Variants in ROBO1 observed in about 807,000 individuals in gnomAD.
ROBO1 encodes roundabout homolog 1.
A neutral mutation model predicts 195.9 loss-of-function variants in ROBO1; 149 were observed. The observed-to-expected ratio is 0.76, with a 90% CI of 0.67 to 0.87. The LOEUF is 0.87. ROBO1 is among the 40% of genes least tolerant of loss of function. The pLI is 0.00. For missense variants in ROBO1, 1,933 were observed against 2,068.3 expected, an observed-to-expected ratio of 0.93 and a Z score of 1.27; for synonymous variants, 816 against 733.2, an observed-to-expected ratio of 1.11 and a Z score of -1.82.
chr3:79,018,518 G>C (rs1005372945), intron 3 of ROBO1: 3 of 1,608,140 alleles, frequency 1.9e-6, no homozygotes, highest in Non-Finnish European at 2.5e-6. Context: ...GTGGAAATAG[G>C]GTCCCCAAAT....
intron 3 of ROBO1, among the ~76,000 whole-genome samples, chr3:78,995,699 G>A (rs925497877): frequency 1.3e-5 from 2 of 150,594 alleles, no homozygotes; most frequent in Non-Finnish European, 2.9e-5. Context: ...CCACGAGGTC[G>A]AGGCTACAGT....
intron 2 of ROBO1, among the ~76,000 whole-genome samples, chr3:79,232,161 T>TTAATTATG (rs1486287026): frequency 6.6e-6 from 1 of 151,668 alleles, no homozygotes; most frequent in African/African-American, 2.4e-5. Flanking sequence ...TGACACAAGT[T>TTAATTATG]TAATTATGTA....
intron 1 of ROBO1, among the ~76,000 whole-genome samples, chr3:79,735,885 AAC>A (rs1299211064): frequency 2.0e-5 from 2 of 97,848 alleles, no homozygotes; most frequent in Admixed American, 1.1e-4. Context: ...AAAAAAAAAA[AAC>A]AAAAAAAAAA....
chr3:79,463,718 G>T (rs985056565), intron 2 of ROBO1, among the ~76,000 whole-genome samples: 1 of 152,166 alleles, frequency 6.6e-6, no homozygotes, highest in African/African-American at 2.4e-5. Flanking sequence ...TACTGAAATA[G>T]TTGAACTGAT....
chr3:78,827,102 G>A (rs1416855089), intron 4 of ROBO1, among the ~76,000 whole-genome samples: 1 of 152,104 alleles, frequency 6.6e-6, no homozygotes, highest in Non-Finnish European at 1.5e-5. Flanking sequence ...TAGACATGTA[G>A]AAAGTTAATT....
chr3:79,682,160 A>T (rs1306899145), intron 1 of ROBO1, among the ~76,000 whole-genome samples: 1 of 152,028 alleles, frequency 6.6e-6, no homozygotes, highest in East Asian at 1.9e-4. Flanking sequence ...CCTAACGGGC[A>T]TATAGAATAA....
At position 79,172,399 on chromosome 3, in the gene ROBO1, T is replaced by G. The variant is rs184702105; in HGVS notation, c.89-46860A>C. 3.3e-5 allele frequency among the ~76,000 whole-genome samples: 5 copies of G among 152,320 alleles called. No homozygotes were observed. The East Asian group carries it at 9.7e-4, about 29-fold the overall frequency. On this transcript the variant is annotated intron_variant, in intron 2 of 30. Transcript: ENST00000464233. ...GTATTAACTAAATCTCTAAAAATTTTTGTCTCAATTTTCTGTACTTCATCA... is the reference window on the plus strand; with the variant it reads ...GTATTAACTAAATCTCTAAAAATTTGTGTCTCAATTTTCTGTACTTCATCA...
At chr3:78,678,306 G>A (rs1322688078) in intron 10 of ROBO1, among the ~76,000 whole-genome samples, 1 of 151,156 alleles carries the variant, frequency 6.6e-6, no homozygotes, top group Non-Finnish European at 1.5e-5. Context: ...CTAGCAGAAG[G>A]CAAGAAATAA....
chr3:79,465,542 T>G (rs1937912115), intron 2 of ROBO1, among the ~76,000 whole-genome samples: 1 of 152,206 alleles, frequency 6.6e-6, no homozygotes, highest in African/African-American at 2.4e-5. Context: ...TTGGATATAA[T>G]ATACCTGTCC....
intron 2 of ROBO1, among the ~76,000 whole-genome samples, chr3:79,313,231 G>GA (rs1244016060): frequency 2.6e-5 from 4 of 151,158 alleles, no homozygotes; most frequent in African/African-American, 4.9e-5. Flanking sequence ...TGTAGTAGTT[G>GA]AAAAAAATCA....
At chr3:79,696,166 T>C (rs1576244521) in intron 1 of ROBO1, among the ~76,000 whole-genome samples, 1 of 151,460 alleles carries the variant, frequency 6.6e-6, no homozygotes, top group Non-Finnish European at 1.5e-5. Flanking sequence ...TATATTTTTG[T>C]AGCCTGCAAC....
intron 24 of ROBO1, among the ~76,000 whole-genome samples, chr3:78,632,084 A>T (rs1395822428): frequency 6.6e-6 from 1 of 152,198 alleles, no homozygotes; most frequent in East Asian, 1.9e-4. Context: ...TTTTGGGACA[A>T]AATATCCCCT....
intron 4 of ROBO1, among the ~76,000 whole-genome samples, chr3:78,915,929 G>A (rs1164148532): frequency 6.6e-6 from 1 of 152,108 alleles, no homozygotes; most frequent in Non-Finnish European, 1.5e-5. Context: ...AAGTGCAAGT[G>A]CGAGAGCCGC....
intron 2 of ROBO1, among the ~76,000 whole-genome samples, chr3:79,440,391 G>T (rs557279726): frequency 6.6e-6 from 1 of 152,012 alleles, no homozygotes; most frequent in Admixed American, 6.6e-5. Flanking sequence ...TCTTGCATAA[G>T]CTTCATCCTC....
At chr3:78,956,681 T>C (rs1447737580) in intron 3 of ROBO1, among the ~76,000 whole-genome samples, 1 of 152,186 alleles carries the variant, frequency 6.6e-6, no homozygotes, top group African/African-American at 2.4e-5. Context: ...GCATCATTCT[T>C]GGAGGCAGTC....
At chr3:79,041,000 T>C (rs555444968) in intron 3 of ROBO1, among the ~76,000 whole-genome samples, 45 of 152,204 alleles carry the variant, frequency 3.0e-4, no homozygotes, top group Non-Finnish European at 4.9e-4. Context: ...AACAATCAGG[T>C]CCCAGAGTCT....
chr3:78,717,982 A>T, intron 5 of ROBO1, 99 bp from the exon 6 acceptor site: 1 of 1,176,802 alleles, frequency 8.5e-7, no homozygotes. Context: ...TAAGCATATA[A>T]ATCAAAGCAT....
intron 3 of ROBO1, among the ~76,000 whole-genome samples, chr3:79,076,928 G>A (rs2079184030): frequency 6.6e-6 from 1 of 151,790 alleles, no homozygotes; most frequent in Non-Finnish European, 1.5e-5. Context: ...AATGGATATG[G>A]TGACTACACT....
At chr3:79,018,551 CAA>C in intron 3 of ROBO1, 1 of 1,576,836 alleles carries the variant, frequency 6.3e-7, no homozygotes, top group Non-Finnish European at 8.6e-7. Context: ...ACACCACACA[CAA>C]AGGCTTAATA....
Sources: gnomAD v4.1 joint callset for allele counts (sites outside exome capture counted in the v4.1 genomes callset) on GRCh38, gnomAD v4.1.1 for gene constraint, MANE v1.5 for transcripts, NCBI Gene and HGNC (gene_info 2026-07-23, HGNC 2026-07-21) for gene names.